RNFT2: variants seen among roughly 807,000 people sequenced by gnomAD.
RNFT2 encodes the protein E3 ubiquitin-protein ligase RNFT2.
A neutral mutation model predicts 53.0 loss-of-function variants in RNFT2; 36 were observed. The observed-to-expected ratio is 0.68, with a 90% confidence interval of 0.52 to 0.90. The LOEUF (loss-of-function observed/expected upper bound fraction) is 0.90. Among genes scored for constraint, RNFT2 ranks in the 40% least tolerant of loss-of-function variants. The pLI, the probability that RNFT2 is intolerant of heterozygous loss-of-function variation, is 0.00. For synonymous variants in RNFT2, 260 were observed against 253.2 expected (o/e 1.03, Z -0.26); for missense variants, 514 against 585.6 (o/e 0.88, Z 1.26).
rs539832918 is a variant in RNFT2 at position 116,767,759 on chromosome 12, T to C, written c.728+845T>C. ...CACGCCCAGCGAATTTTTGTATTTT[T>C]AGTAGAGACAGGGTTTCACCATATT... On this transcript the variant is annotated intron_variant, in intron 6 of 10. Transcript: ENST00000257575. Among the ~76,000 whole-genome samples the C allele has an allele frequency of 1.6e-3, 237 of 151,524 alleles. 2 individuals are homozygous for C. Among genetic ancestry groups the C allele is most frequent in the Non-Finnish European group, 2.8e-3 (188 of 67,900 alleles).
intron 7 of RNFT2, among the ~76,000 whole-genome samples, chr12:116,794,798 T>C (rs1302617974): frequency 1.3e-5 from 2 of 151,964 alleles, no homozygotes; most frequent in African/African-American, 2.4e-5. Flanking sequence ...GGCCTGCTTA[T>C]TTCCCACCGC....
intron 4 of RNFT2, among the ~76,000 whole-genome samples, chr12:116,752,198 G>C (rs76821444): frequency 1.2e-3 from 2 of 1,648 alleles, no homozygotes; most frequent in Admixed American, 0.031. Context: ...GAAAAAAAAA[G>C]AGAGAGAGAG....
intron 5 of RNFT2, among the ~76,000 whole-genome samples, chr12:116,757,183 G>A (rs567475235): frequency 7.2e-5 from 11 of 152,040 alleles, no homozygotes; most frequent in African/African-American, 2.4e-4. Context: ...CTCCTGTTTC[G>A]TTTCTTAGTG....
intron 7 of RNFT2, among the ~76,000 whole-genome samples, chr12:116,808,625 C>T (rs1433183506): frequency 1.3e-5 from 2 of 152,072 alleles, no homozygotes; most frequent in African/African-American, 2.4e-5. Flanking sequence ...GCTGTTGTTC[C>T]GCCACTAGAG....
chr12:116,847,277 C>T (rs541994626), intron 10 of RNFT2, among the ~76,000 whole-genome samples: 5 of 152,154 alleles, frequency 3.3e-5, no homozygotes, highest in African/African-American at 1.2e-4. Flanking sequence ...TCTCCAGTTG[C>T]CTTCAAAGTG....
chr12:116,740,163 A>G (rs975427980), intron 1 of RNFT2, among the ~76,000 whole-genome samples, 182 bp from the exon 2 acceptor site: 3 of 151,932 alleles, frequency 2.0e-5, no homozygotes, highest in Non-Finnish European at 4.4e-5. Context: ...GCAGTGAGCC[A>G]AGATCGCACC....
intron 7 of RNFT2, among the ~76,000 whole-genome samples, chr12:116,814,563 G>A (rs1875546720): frequency 6.6e-6 from 1 of 152,174 alleles, no homozygotes; most frequent in Non-Finnish European, 1.5e-5. Flanking sequence ...GCAAGGTTAA[G>A]GAGCAATGAG....
Position 116,852,682 on chromosome 12 carries a change from G to A in RNFT2, c.*3234G>A, listed in dbSNP as rs1565879288. 6.2e-7 allele frequency: 1 copy of A among 1,614,028 alleles called. No homozygotes were observed. The highest frequency in any genetic ancestry group is 8.5e-7 in the Non-Finnish European group (1 of 1,179,900). The stretch of plus-strand genomic sequence containing the variant: ...TGAAGGGGCACAAGAAATTGGAGCT[G>A]GAGAAGATTGATGAAAGTGCAGGTG... On this transcript the variant is annotated 3_prime_UTR_variant, in exon 11 of 11. Transcript: ENST00000257575.
Position 116,739,574 on chromosome 12 carries a change from G to A in RNFT2, c.-153-771G>A, listed in dbSNP as rs138109145. On this transcript the variant is annotated intron_variant, in intron 1 of 10. Transcript: ENST00000257575. ...GAAGAGAAGGCCTCTGGGAAGAGAC[G>A]ACATTTGCCCTGCGGGACCAAGCCC... Among the ~76,000 whole-genome samples, 742 of 152,336 alleles carry A rather than the reference G, an allele frequency of 4.9e-3. 5 individuals carry two copies. Among genetic ancestry groups the A allele is most frequent in the African/African-American group, 0.017 (692 of 41,570 alleles).
At chr12:116,826,839 A>C (rs181645514) in intron 7 of RNFT2, among the ~76,000 whole-genome samples, 68 of 152,390 alleles carry the variant, frequency 4.5e-4, no homozygotes, top group African/African-American at 1.6e-3. Context: ...ACCCAGAGTC[A>C]AATTATCTTC....
At chr12:116,762,163 G>C (rs767194375) in intron 5 of RNFT2, among the ~76,000 whole-genome samples, 1 of 151,984 alleles carries the variant, frequency 6.6e-6, no homozygotes, top group Non-Finnish European at 1.5e-5. Flanking sequence ...TGGATCACTT[G>C]AGGTCAGGAG....
intron 5 of RNFT2, among the ~76,000 whole-genome samples, chr12:116,758,279 T>C (rs1358052809): frequency 2.6e-5 from 4 of 152,234 alleles, no homozygotes; most frequent in African/African-American, 4.8e-5. Context: ...TATTCTGTGA[T>C]TCTGTGTCTT....
At chr12:116,837,493 G>A (rs1464112504) in intron 10 of RNFT2, among the ~76,000 whole-genome samples, 1 of 152,176 alleles carries the variant, frequency 6.6e-6, no homozygotes, top group Non-Finnish European at 1.5e-5. Flanking sequence ...GGGATAGAAG[G>A]TGGGTTCCTT....
chr12:116,780,924 C>CTG (rs1873669999), intron 7 of RNFT2, among the ~76,000 whole-genome samples: 1 of 152,174 alleles, frequency 6.6e-6, no homozygotes, highest in African/African-American at 2.4e-5. Flanking sequence ...GCCTCTCCAG[C>CTG]TGTGTGACTT....
At position 116,798,561 on chromosome 12, in the gene RNFT2, GT is replaced by G. The variant is rs576356410; in HGVS notation, c.882+19221del. ...TCATAATAGTACCTATCTGCATTAG[GT>G]TTTTTTTATTTTTATTTTTTATATT... On this transcript the variant is annotated intron_variant, in intron 7 of 10. Transcript: ENST00000257575. 2.6e-5 allele frequency among the ~76,000 whole-genome samples: 4 copies of G among 151,794 alleles called. No homozygotes were observed. The East Asian group carries it at 7.8e-4, about 29-fold the overall frequency.
chr12:116,832,130 C>CAAA (rs138431200), intron 7 of RNFT2, among the ~76,000 whole-genome samples: 17 of 95,326 alleles, frequency 1.8e-4, no homozygotes, highest in Admixed American at 2.9e-4. Flanking sequence ...GACCTTGTCT[C>CAAA]AAAAAAAAAA....
intron 7 of RNFT2, among the ~76,000 whole-genome samples, chr12:116,797,322 G>T (rs1340221436): frequency 6.6e-6 from 1 of 152,144 alleles, no homozygotes; most frequent in Non-Finnish European, 1.5e-5. Flanking sequence ...CACTTTGGGA[G>T]GCTGAGGCAG....
intron 7 of RNFT2, among the ~76,000 whole-genome samples, chr12:116,833,144 C>T (rs1478432645): frequency 6.6e-6 from 1 of 152,074 alleles, no homozygotes; most frequent in Non-Finnish European, 1.5e-5. Context: ...GTCTTGAACT[C>T]CTGACCTTAA....
At chr12:116,820,154 G>A (rs1159917179) in intron 7 of RNFT2, among the ~76,000 whole-genome samples, 1 of 152,132 alleles carries the variant, frequency 6.6e-6, no homozygotes, top group Non-Finnish European at 1.5e-5. Context: ...GTAGAAGTAC[G>A]ATCATGCTTA....
Sources: gnomAD v4.1 joint callset for allele counts (sites outside exome capture counted in the v4.1 genomes callset) on GRCh38, gnomAD v4.1.1 for gene constraint, MANE v1.5 for transcripts, NCBI Gene and HGNC (gene_info 2026-07-23, HGNC 2026-07-21) for gene names.